Variants in KDM2B observed in about 807,000 individuals in gnomAD.
The protein encoded by KDM2B is lysine demethylase 2B, also known as lysine-specific demethylase 2B.
KDM2B carries 26 observed loss-of-function variants against 150.0 expected under a neutral mutation model. The observed-to-expected ratio is 0.17, with a 90% confidence interval of 0.13 to 0.24. The LOEUF (loss-of-function observed/expected upper bound fraction) is 0.24. Ranked by LOEUF, KDM2B falls within the 10% of genes least tolerant of loss-of-function variation. The pLI, the probability that KDM2B is intolerant of heterozygous loss-of-function variation, is 1.00. For synonymous variants in KDM2B, 734 were observed against 729.5 expected (o/e 1.01, Z -0.10); for missense variants, 1,265 against 1,816.9 (o/e 0.70, Z 5.52).
chr12:121,422,024 G>A, the KDM2B span, among the ~76,000 whole-genome samples: 494 of 152,322 alleles, frequency 3.2e-3, 4 homozygotes, highest in African/African-American at 0.011. Context: ...TTCAGAGGTC[G>A]TAGGCTGCTG....
chr12:121,448,355 A>AT (rs1336194172), intron 13 of KDM2B, among the ~76,000 whole-genome samples: 43 of 143,738 alleles, frequency 3.0e-4, no homozygotes, highest in Admixed American at 4.2e-4. Flanking sequence ...ATCAGTTTTA[A>AT]TTTTTTTTTT....
At chr12:121,459,170 A>C (rs1682321106) in intron 12 of KDM2B, among the ~76,000 whole-genome samples, 1 of 152,154 alleles carries the variant, frequency 6.6e-6, no homozygotes, top group Non-Finnish European at 1.5e-5. Context: ...TGGTAGTGGC[A>C]TAAAGACAGA....
intron 12 of KDM2B, among the ~76,000 whole-genome samples, chr12:121,454,478 A>G (rs987053896): frequency 2.0e-5 from 3 of 152,142 alleles, no homozygotes; most frequent in Non-Finnish European, 2.9e-5. Flanking sequence ...CCAGCCCCAG[A>G]GCCTCCTGCA....
chr12:121,411,144 T>C, the KDM2B span, among the ~76,000 whole-genome samples: 1 of 152,228 alleles, frequency 6.6e-6, no homozygotes, highest in African/African-American at 2.4e-5. Context: ...TTGCCCAGGC[T>C]GGTCTTGACC....
intron 4 of KDM2B, among the ~76,000 whole-genome samples, chr12:121,555,113 C>T (rs1027157858): frequency 1.3e-5 from 2 of 152,162 alleles, no homozygotes; most frequent in African/African-American, 4.8e-5. Context: ...GCAGAGGCTA[C>T]AGTGAGCAAT....
At chr12:121,420,690 T>C in the KDM2B span, 1 of 1,614,128 alleles carries the variant, frequency 6.2e-7, no homozygotes, top group Non-Finnish European at 8.5e-7. Flanking sequence ...CTCGGAATTT[T>C]GTCAACTATT....
rs782338108 is a variant in KDM2B at position 121,572,154 on chromosome 12, C to T, written c.397+2393G>A. On this transcript the variant is annotated intron_variant, in intron 4 of 22. Coordinates refer to ENST00000377071, the MANE Select transcript of KDM2B (RefSeq NM_032590.5). Reference sequence around the variant, plus strand: ...TGCAGGCTGTAGTGAGTCATAATCACGCCGCTGCACTCTAGCTTGGACAAA... The same window carrying T: ...TGCAGGCTGTAGTGAGTCATAATCATGCCGCTGCACTCTAGCTTGGACAAA... Among the ~76,000 whole-genome samples the T allele has an allele frequency of 3.3e-5, 5 of 152,154 alleles. 1 individual carries two copies. Among genetic ancestry groups the T allele is most frequent in the Non-Finnish European group, 7.3e-5 (5 of 68,030 alleles).
At chr12:121,416,343 C>G in the KDM2B span, 1 of 1,613,892 alleles carries the variant, frequency 6.2e-7, no homozygotes, top group Non-Finnish European at 8.5e-7. Context: ...GTTTGTAAAG[C>G]CTGTGGGCTT....
intron 12 of KDM2B, among the ~76,000 whole-genome samples, chr12:121,476,045 A>T (rs1260342475): frequency 6.6e-6 from 1 of 151,988 alleles, no homozygotes; most frequent in Non-Finnish European, 1.5e-5. Context: ...TTGTAATCCC[A>T]GCACTTTGGG....
chr12:121,448,282 T>G (rs1555290778), intron 13 of KDM2B, among the ~76,000 whole-genome samples: 2 of 123,090 alleles, frequency 1.6e-5, no homozygotes, highest in African/African-American at 6.5e-5. Flanking sequence ...AGCACACCAC[T>G]GCACTCCAGC....
rs150266792 is a variant in KDM2B at position 121,429,855 on chromosome 12, CAA to C, written c.*431_*432del. ...GTAAGATGTAACAAAACCAACCAAA[CAA>C]AAAAAAGTGTCAAGACGGCAGCAGA... On this transcript the variant is annotated 3_prime_UTR_variant, in exon 23 of 23. Transcript: ENST00000377071. The C allele has an allele frequency of 1.9e-5, 11 of 569,040 alleles. No homozygotes were observed. The highest frequency in any genetic ancestry group is 3.4e-5 in the Non-Finnish European group (11 of 321,158). 35.2% of individuals were successfully genotyped at this position (569,040 alleles called of 1,614,324 possible).
Position 121,442,046 on chromosome 12 carries a change from G to A in KDM2B, c.3284+111C>T. The A allele has an allele frequency of 1.1e-6, 1 of 879,078 alleles. No homozygotes were observed. Among genetic ancestry groups the A allele is most frequent in the Non-Finnish European group, 1.8e-6 (1 of 551,064 alleles). 54.5% of individuals were successfully genotyped at this position (879,078 alleles called of 1,614,324 possible). On this transcript the variant is annotated intron_variant, in intron 19 of 22. Coordinates refer to ENST00000377071, the MANE Select transcript of KDM2B (RefSeq NM_032590.5). This position sits in a 1 kb window ranked among gnomAD's most constrained non-coding sequence, Gnocchi z 7.7. ...GGAACGCTTTGCGGAGCACAATGAA[G>A]CCATACTGGGGTTTGGAAGGAAAGA...
chr12:121,476,599 A>T (rs1881414025), intron 12 of KDM2B, among the ~76,000 whole-genome samples: 1 of 152,222 alleles, frequency 6.6e-6, no homozygotes, highest in Non-Finnish European at 1.5e-5. Flanking sequence ...GGGATGTGTT[A>T]AAACTAACTG....
rs1311022193 is a variant in KDM2B at position 121,549,066 on chromosome 12, GC to G, written c.577-84del. 26 of 1,141,486 alleles carry G rather than the reference GC, an allele frequency of 2.3e-5. No individual in the cohort carries two copies. The highest frequency in any genetic ancestry group is 3.8e-5 in the Admixed American group (2 of 52,798). 70.7% of individuals were successfully genotyped at this position (1,141,486 alleles called of 1,614,324 possible). A position where few individuals can be genotyped will look rare whatever the true frequency, so the allele number is the denominator to read the frequency against. On this transcript the variant is annotated intron_variant, in intron 5 of 22. Coordinates refer to ENST00000377071, the MANE Select transcript of KDM2B (RefSeq NM_032590.5). The surrounding 1 kb of genome is among the most constrained non-coding windows in gnomAD (Gnocchi z 4.4). ...ACCCCTTTCCCCGGAGAGTCCTTGG[GC>G]CCCCCCGCTCCCCCAATCTACTGTG...
rs1886593664 is a variant in KDM2B, at chr12:121,520,493, T to A, written c.1047+492A>T. On this transcript the variant is annotated intron_variant, in intron 9 of 22. Coordinates refer to ENST00000377071, the MANE Select transcript of KDM2B (RefSeq NM_032590.5). The surrounding 1 kb of genome is among the most constrained non-coding windows in gnomAD (Gnocchi z 4.5). ...GACATGGAGACTACCTCAGAGACAG[T>A]ACCCAGGGGGACTCAGGCACTGGCT... Among the ~76,000 whole-genome samples, 2 of 152,030 alleles carry A rather than the reference T, an allele frequency of 1.3e-5. No individual in the cohort carries two copies. Among genetic ancestry groups the A allele is most frequent in the Admixed American group, 1.3e-4 (2 of 15,252 alleles).
chr12:121,477,032 T>C (rs1555296894), intron 12 of KDM2B, among the ~76,000 whole-genome samples: 1 of 152,198 alleles, frequency 6.6e-6, no homozygotes, highest in Non-Finnish European at 1.5e-5. Context: ...CGGAATGACA[T>C]TCTTCAAAGA....
intron 12 of KDM2B, among the ~76,000 whole-genome samples, chr12:121,471,979 C>T (rs782434248): frequency 1.6e-4 from 25 of 152,148 alleles, no homozygotes; most frequent in Middle Eastern, 3.4e-3. Context: ...AAAAATTAGC[C>T]GGGCATGGTG....
At chr12:121,455,967 G>A (rs12578785) in intron 12 of KDM2B, among the ~76,000 whole-genome samples, 48,166 of 152,162 alleles carry the variant, frequency 0.32, 9,146 homozygotes, top group East Asian at 0.42. Context: ...GGCAGGCAGC[G>A]CTAAGGACCG....
intron 12 of KDM2B, among the ~76,000 whole-genome samples, chr12:121,460,211 A>C (rs1555293550): frequency 6.6e-6 from 1 of 152,266 alleles, no homozygotes; most frequent in African/African-American, 2.4e-5. Flanking sequence ...AGAACTACAG[A>C]AATGAGTAAA....
Sources: allele counts gnomAD v4.1 joint callset (sites outside exome capture counted in the v4.1 genomes callset), GRCh38; gene constraint gnomAD v4.1.1; non-coding constraint Gnocchi (gnomAD v3.1); transcripts MANE v1.5; gene names NCBI Gene and HGNC (gene_info 2026-07-23, HGNC 2026-07-21).